BAZ2B: variants seen among roughly 807,000 people sequenced by gnomAD.
BAZ2B encodes bromodomain adjacent to zinc finger domain 2B.
BAZ2B carries 91 observed loss-of-function variants against 246.0 expected under a neutral mutation model. That is an observed-to-expected ratio of 0.37 (90% CI 0.31 to 0.44). The LOEUF is 0.44. Ranked by LOEUF, BAZ2B falls within the 20% of genes least tolerant of loss-of-function variation. The pLI is 1.00. For missense variants in BAZ2B, 2,332 were observed against 2,533.7 expected, an observed-to-expected ratio of 0.92 and a Z score of 1.71; for synonymous variants, 855 against 860.0, an observed-to-expected ratio of 0.99 and a Z score of 0.10.
At chr2:159,483,184 T>A (rs186036963) in intron 2 of BAZ2B, among the ~76,000 whole-genome samples, 1 of 152,028 alleles carries the variant, frequency 6.6e-6, no homozygotes, top group African/African-American at 2.4e-5. Context: ...GAGATTATAG[T>A]TTCTAATGTA....
At chr2:159,415,858 C>T (rs2067621327) in intron 13 of BAZ2B, among the ~76,000 whole-genome samples, 1 of 152,174 alleles carries the variant, frequency 6.6e-6, no homozygotes, top group Non-Finnish European at 1.5e-5. Context: ...AAGTATTGTG[C>T]TTTGTTCCAG....
At chr2:159,457,200 G>T (rs1047095890) in intron 3 of BAZ2B, among the ~76,000 whole-genome samples, 2 of 152,124 alleles carry the variant, frequency 1.3e-5, no homozygotes, top group Non-Finnish European at 2.9e-5. Context: ...TGGCCTACAA[G>T]GATGAGTAAG....
At chr2:159,643,662 A>G in the BAZ2B span, among the ~76,000 whole-genome samples, 1 of 151,988 alleles carries the variant, frequency 6.6e-6, no homozygotes, top group African/African-American at 2.4e-5. Flanking sequence ...ATGACCTGAG[A>G]TTAGGAGTTA....
At chr2:159,637,842 G>T in the BAZ2B span, among the ~76,000 whole-genome samples, 8 of 152,196 alleles carry the variant, frequency 5.3e-5, no homozygotes, top group Non-Finnish European at 1.0e-4. Context: ...GATTATATGT[G>T]TGAGCCACCA....
At chr2:159,540,344 G>C (rs2151380515) in intron 2 of BAZ2B, among the ~76,000 whole-genome samples, 1 of 152,284 alleles carries the variant, frequency 6.6e-6, no homozygotes, top group East Asian at 1.9e-4. Context: ...CTTTCTTCAT[G>C]TCTCTTTCCT....
chr2:159,383,101 T>C (rs750247200), intron 24 of BAZ2B, among the ~76,000 whole-genome samples: 1 of 152,158 alleles, frequency 6.6e-6, no homozygotes, highest in Non-Finnish European at 1.5e-5. Flanking sequence ...TCTGATCCCA[T>C]ACTAACTGAC....
intron 1 of BAZ2B, among the ~76,000 whole-genome samples, chr2:159,570,946 T>C (rs1683856619): frequency 1.3e-5 from 2 of 152,170 alleles, no homozygotes; most frequent in African/African-American, 2.4e-5. Flanking sequence ...CTCCTCCTCC[T>C]GGGTTCAAGA....
Position 159,480,521 on chromosome 2 carries a change from C to T in BAZ2B, c.-2-1800G>A, listed in dbSNP as rs76004249. ...TACTGCTTAATGGATATTACTTTCC[C>T]TGAAGAATTAATCTGAATAATTATT... On this transcript the variant is annotated intron_variant, in intron 2 of 36. Coordinates refer to ENST00000392783, the MANE Select transcript of BAZ2B (RefSeq NM_013450.4). Among the ~76,000 whole-genome samples the T allele has an allele frequency of 3.0e-4, 45 of 152,168 alleles. 1 individual carries two copies. Among genetic ancestry groups the T allele is most frequent in the African/African-American group, 1.1e-3 (44 of 41,564 alleles).
In BAZ2B at chr2:159,319,267, T is replaced by A. The variant is rs1305932239; in HGVS notation, c.*998A>T. ...CTGTGTGCGTAGGAAATTGTCACAA[T>A]TTTATTCCACATGGATACAAATGAT... is the stretch of plus-strand genomic sequence containing the variant. On this transcript the variant is annotated 3_prime_UTR_variant, in exon 37 of 37. Transcript: ENST00000392783. The surrounding 1 kb of genome is among the most constrained non-coding windows in gnomAD (Gnocchi z 4.0). 1 of 152,652 alleles carries A rather than the reference T, an allele frequency of 6.6e-6. No individual in the cohort carries two copies. The highest frequency in any genetic ancestry group is 1.5e-5 in the Non-Finnish European group (1 of 68,026). 9.5% of individuals were successfully genotyped at this position (152,652 alleles called of 1,614,324 possible).
At chr2:159,544,822 T>C (rs1390843721) in intron 2 of BAZ2B, among the ~76,000 whole-genome samples, 1 of 152,198 alleles carries the variant, frequency 6.6e-6, no homozygotes, top group African/African-American at 2.4e-5. Flanking sequence ...TATTTGTCGC[T>C]AAAGGAGTGC....
chr2:159,588,128 G>C (rs1337885421), intron 1 of BAZ2B, among the ~76,000 whole-genome samples: 5 of 150,662 alleles, frequency 3.3e-5, no homozygotes, highest in South Asian at 4.2e-4. Flanking sequence ...TAGAGTTTGA[G>C]GCTGCAGTGA....
intron 6 of BAZ2B, among the ~76,000 whole-genome samples, chr2:159,445,909 T>C (rs1434489806): frequency 1.3e-5 from 2 of 152,128 alleles, no homozygotes; most frequent in African/African-American, 4.8e-5. Context: ...AGCTCAGGTG[T>C]TCAAGACCAG....
At chr2:159,326,271 T>C (rs2063702270) in intron 34 of BAZ2B, among the ~76,000 whole-genome samples, 1 of 152,012 alleles carries the variant, frequency 6.6e-6, no homozygotes, top group Admixed American at 6.6e-5. Flanking sequence ...ACAACAGAAT[T>C]AGGAACAAAG....
At chr2:159,529,819 A>G (rs910969607) in intron 2 of BAZ2B, among the ~76,000 whole-genome samples, 1 of 152,230 alleles carries the variant, frequency 6.6e-6, no homozygotes, top group East Asian at 1.9e-4. Context: ...TGATCATCAT[A>G]TAACCTCTGA....
the BAZ2B span, among the ~76,000 whole-genome samples, chr2:159,702,811 C>T: frequency 1.3e-4 from 20 of 152,202 alleles, no homozygotes; most frequent in South Asian, 3.7e-3. Flanking sequence ...GACGCCGAGG[C>T]GGGCGGATCA....
chr2:159,703,698 A>G, the BAZ2B span, among the ~76,000 whole-genome samples: 10,051 of 151,948 alleles, frequency 0.066, 430 homozygotes, highest in Middle Eastern at 0.19. Flanking sequence ...AGCCTTGGCA[A>G]CATAGCGAAA....
At chr2:159,507,694 A>G (rs2082475265) in intron 2 of BAZ2B, among the ~76,000 whole-genome samples, 1 of 152,186 alleles carries the variant, frequency 6.6e-6, no homozygotes, top group African/African-American at 2.4e-5. Flanking sequence ...AAATTGAATA[A>G]CCAAAAAACT....
At chr2:159,337,428 A>T (rs2148973665) in intron 32 of BAZ2B, 139 bp downstream of exon 32, 1 of 1,546,324 alleles carries the variant, frequency 6.5e-7, no homozygotes, top group East Asian at 2.3e-5. Flanking sequence ...GCAAAGAAGC[A>T]CAATAATTTT....
intron 3 of BAZ2B, chr2:159,463,546 CT>C (rs1310028290): frequency 1.3e-5 from 2 of 152,774 alleles, no homozygotes; most frequent in Non-Finnish European, 2.9e-5. Flanking sequence ...CAATACTTGT[CT>C]TTTGTCTAGT....
Sources: allele counts gnomAD v4.1 joint callset (sites outside exome capture counted in the v4.1 genomes callset), GRCh38; gene constraint gnomAD v4.1.1; non-coding constraint Gnocchi (gnomAD v3.1); transcripts MANE v1.5; gene names NCBI Gene and HGNC (gene_info 2026-07-23, HGNC 2026-07-21).